Variants in THSD7B observed in about 807,000 individuals in gnomAD.
The protein encoded by THSD7B is thrombospondin type-1 domain-containing protein 7B.
In THSD7B, 138 loss-of-function variants were observed where a neutral mutation model predicts 213.6. The observed-to-expected ratio is 0.65, with a 90% CI of 0.56 to 0.74. The LOEUF (loss-of-function observed/expected upper bound fraction) is 0.74. Among genes scored for constraint, THSD7B ranks in the 30% least tolerant of loss-of-function variants. THSD7B has a pLI of 0.00. For synonymous variants in THSD7B, 742 were observed against 687.0 expected, an observed-to-expected ratio of 1.08 and a Z score of -1.25; for missense variants, 1,931 against 1,991.5, an observed-to-expected ratio of 0.97 and a Z score of 0.58.
At chr2:136,832,193 G>GTA (rs1195016547) in intron 1 of THSD7B, among the ~76,000 whole-genome samples, 1 of 88,924 alleles carries the variant, frequency 1.1e-5, no homozygotes, top group Non-Finnish European at 2.5e-5. Context: ...GTGTGTGTGT[G>GTA]TGTGTGTGTA....
intron 12 of THSD7B, among the ~76,000 whole-genome samples, chr2:137,382,257 A>C (rs1477941437): frequency 6.6e-6 from 1 of 152,186 alleles, no homozygotes; most frequent in East Asian, 1.9e-4. Context: ...ATGTTATGTT[A>C]ACCTCTGATT....
chr2:137,549,833 T>C (rs139877524), intron 15 of THSD7B, among the ~76,000 whole-genome samples: 3 of 152,222 alleles, frequency 2.0e-5, no homozygotes, highest in African/African-American at 7.2e-5. Flanking sequence ...TCCTCAAGGT[T>C]CATCCATAAC....
At chr2:137,477,097 T>C (rs567469306) in intron 15 of THSD7B, among the ~76,000 whole-genome samples, 1 of 152,338 alleles carries the variant, frequency 6.6e-6, no homozygotes, top group African/African-American at 2.4e-5. Context: ...ATCTCTCTAA[T>C]ACTGAGAGTG....
intron 15 of THSD7B, among the ~76,000 whole-genome samples, chr2:137,539,261 C>A (rs2105189924): frequency 6.6e-6 from 1 of 151,516 alleles, no homozygotes; most frequent in Middle Eastern, 3.4e-3. Flanking sequence ...GTGAGTTTGT[C>A]ACTCACAGGA....
intron 15 of THSD7B, among the ~76,000 whole-genome samples, chr2:137,470,910 C>CTATTTTTTT: frequency 8.3e-6 from 1 of 119,822 alleles, no homozygotes; most frequent in South Asian, 2.6e-4. Context: ...TTTTTCTTTA[C>CTATTTTTTT]TTTTTTTTTT....
intron 2 of THSD7B, among the ~76,000 whole-genome samples, chr2:136,890,311 T>C (rs1182140133): frequency 0.38 from 767 of 2,016 alleles, 170 homozygotes; most frequent in African/African-American, 0.52. Context: ...CTCCTTCTTC[T>C]TCTTCTTCTT....
rs912714044 is a variant in THSD7B at position 137,643,323 on chromosome 2, A to G, written c.3945+690A>G. Reference sequence around the variant, plus strand: ...TTATCCTTAGTTCATGTTCCAAAGCATACTTTAATTAGGTAACAATAATTT... The same window carrying G: ...TTATCCTTAGTTCATGTTCCAAAGCGTACTTTAATTAGGTAACAATAATTT... On this transcript the variant is annotated intron_variant, in intron 21 of 27. Transcript: ENST00000409968. Among the ~76,000 whole-genome samples, 3 of 152,330 alleles carry G rather than the reference A, an allele frequency of 2.0e-5. No homozygotes were observed. In the South Asian group the frequency reaches 6.2e-4, roughly 32 times the overall value.
intron 1 of THSD7B, among the ~76,000 whole-genome samples, chr2:136,833,433 A>ATTTTTTTT (rs56778387): frequency 4.1e-4 from 46 of 112,062 alleles, no homozygotes; most frequent in Middle Eastern, 6.0e-3. Flanking sequence ...ATTATTTTCT[A>ATTTTTTTT]TTTTTTTTTT....
At chr2:137,355,609 C>G (rs180891562) in intron 12 of THSD7B, among the ~76,000 whole-genome samples, 3 of 152,028 alleles carry the variant, frequency 2.0e-5, no homozygotes, top group African/African-American at 4.8e-5. Flanking sequence ...TATGCAATTC[C>G]CAATTCAAGA....
chr2:137,324,584 G>A (rs1684328251), intron 12 of THSD7B, among the ~76,000 whole-genome samples: 1 of 152,076 alleles, frequency 6.6e-6, no homozygotes. Flanking sequence ...AAATTACATA[G>A]TTACCAAGAG....
intron 1 of THSD7B, among the ~76,000 whole-genome samples, chr2:136,866,017 A>G (rs903371150): frequency 6.6e-6 from 1 of 152,218 alleles, no homozygotes; most frequent in African/African-American, 2.4e-5. Context: ...TAAATATACA[A>G]TTCCATGAGA....
intron 2 of THSD7B, among the ~76,000 whole-genome samples, chr2:136,886,666 C>G (rs1230798852): frequency 6.6e-6 from 1 of 152,128 alleles, no homozygotes; most frequent in South Asian, 2.1e-4. Flanking sequence ...CAACAGTGCC[C>G]AGGTTGAGAA....
chr2:137,515,121 C>T lies in THSD7B; in HGVS notation c.3139-48100C>T, dbSNP rs535610297. Among the ~76,000 whole-genome samples, 6 of 152,228 alleles carry T rather than the reference C, an allele frequency of 3.9e-5. No individual in the cohort carries two copies. In the East Asian group the frequency reaches 1.2e-3, roughly 29 times the overall value. ...ATGCACAGCCTCACCAGGTGTCTAC[C>T]GTTAAAGTGAGGACATTGACTGGAA... On this transcript the variant is annotated intron_variant, in intron 15 of 27. Coordinates refer to ENST00000409968, the MANE Select transcript of THSD7B (RefSeq NM_001316349.2).
intron 16 of THSD7B, among the ~76,000 whole-genome samples, chr2:137,563,679 T>C (rs1573711642): frequency 6.6e-6 from 1 of 152,270 alleles, no homozygotes; most frequent in Non-Finnish European, 1.5e-5. Flanking sequence ...CTGACTGTGT[T>C]GCCATTGGTC....
chr2:137,177,651 C>T (rs1680383975), intron 7 of THSD7B, among the ~76,000 whole-genome samples: 1 of 152,050 alleles, frequency 6.6e-6, no homozygotes, highest in South Asian at 2.1e-4. Flanking sequence ...GATCCAGGGA[C>T]CAGACTTTGA....
intron 5 of THSD7B, among the ~76,000 whole-genome samples, chr2:137,157,493 C>T (rs767762435): frequency 3.3e-5 from 5 of 152,290 alleles, no homozygotes; most frequent in Admixed American, 6.5e-5. Flanking sequence ...GCATTTTCAG[C>T]TCATTCTACA....
At chr2:136,937,564 T>C (rs1684756710) in intron 2 of THSD7B, among the ~76,000 whole-genome samples, 1 of 152,208 alleles carries the variant, frequency 6.6e-6, no homozygotes, top group Admixed American at 6.6e-5. Context: ...AATTTCAGGA[T>C]GCTTGACCCA....
intron 2 of THSD7B, among the ~76,000 whole-genome samples, chr2:136,885,814 A>G (rs547755660): frequency 3.3e-5 from 5 of 152,202 alleles, no homozygotes; most frequent in African/African-American, 9.6e-5. Context: ...AAAGAGGGCA[A>G]TAAACATGAT....
chr2:137,019,409 G>T lies in THSD7B; in HGVS notation c.140-37011G>T, dbSNP rs977981884. On this transcript the variant is annotated intron_variant, in intron 2 of 27. Transcript: ENST00000409968. ...CTTAAAAATCCTTTTGTGGCTGTCA[G>T]TTACCACGGAATAACTTCCAACTCC... Among the ~76,000 whole-genome samples the T allele has an allele frequency of 3.9e-5, 6 of 152,326 alleles. No individual in the cohort carries two copies. The East Asian group carries it at 1.2e-3, about 29-fold the overall frequency.
Sources: gnomAD v4.1 joint callset for allele counts (sites outside exome capture counted in the v4.1 genomes callset) on GRCh38, gnomAD v4.1.1 for gene constraint, MANE v1.5 for transcripts, NCBI Gene and HGNC (gene_info 2026-07-23, HGNC 2026-07-21) for gene names.